Variants in NCAM2 observed in about 807,000 individuals in gnomAD.
The protein encoded by NCAM2 is neural cell adhesion molecule 2.
Under a neutral mutation model 98.1 loss-of-function variants are expected in NCAM2, and 30 were observed. That is an observed-to-expected ratio of 0.31 (90% CI 0.23 to 0.41). The LOEUF (loss-of-function observed/expected upper bound fraction) is 0.41, where lower values mean the gene tolerates loss of function less well. Among genes scored for constraint, NCAM2 ranks in the 10% least tolerant of loss-of-function variants. The pLI is 1.00. For synonymous variants in NCAM2, 368 were observed against 342.4 expected, an observed-to-expected ratio of 1.07 and a Z score of -0.83; for missense variants, 867 against 1,005.8, an observed-to-expected ratio of 0.86 and a Z score of 1.87.
In NCAM2 at chr21:21,150,649, T is replaced by G. The variant is rs963549994; in HGVS notation, c.56-129929T>G. On this transcript the variant is annotated intron_variant, in intron 1 of 17. Transcript: ENST00000400546. ...GATAACTTCCATTGTTTGATTTCCATTCTTGGGATAAATCCAGCTTCATCA... is the reference window on the plus strand; with the variant it reads ...GATAACTTCCATTGTTTGATTTCCAGTCTTGGGATAAATCCAGCTTCATCA... 4.9e-4 allele frequency among the ~76,000 whole-genome samples: 75 copies of G among 152,066 alleles called. 2 individuals carry two copies. Among genetic ancestry groups the G allele is most frequent in the Non-Finnish European group, 5.9e-5 (4 of 67,952 alleles).
chr21:21,128,291 T>G (rs1166050701), intron 1 of NCAM2, among the ~76,000 whole-genome samples: 1 of 151,966 alleles, frequency 6.6e-6, no homozygotes, highest in African/African-American at 2.4e-5. Context: ...TAAGATAAAG[T>G]CTCTCTTTAC....
intron 15 of NCAM2, among the ~76,000 whole-genome samples, chr21:21,492,637 T>C (rs927469765): frequency 5.3e-5 from 8 of 151,866 alleles, no homozygotes; most frequent in African/African-American, 1.9e-4. Context: ...AATATATTTT[T>C]ATTTACTGTC....
chr21:21,466,681 A>G lies in NCAM2; in HGVS notation c.1730A>G (p.Gln577Arg), dbSNP rs1255402872. ...GTTGCAGCTGTAAATGGAAAGGGAC[A>G]AGGAGACTACAGTAAAATAGAAATC... ...IRVAAVNGKG[Q>R]GDYSKIEIFQ... The change falls in exon 13 of 18, where the codon CAA becomes CGA. Residue 577 changes from glutamine to arginine, a missense_variant. By Grantham distance (43) the Gln-to-Arg change is conservative (BLOSUM62 1). Around this residue, in one of 5 missense-constraint regions of NCAM2, gnomAD observed 234 missense variants for 333.8 expected, o/e 0.70. Transcript: ENST00000400546. 1 of 1,610,144 alleles carries G rather than the reference A, an allele frequency of 6.2e-7. No individual in the cohort carries two copies. Among genetic ancestry groups the G allele is most frequent in the East Asian group, 2.2e-5 (1 of 44,662 alleles).
At chr21:21,010,334 T>G (rs2064186439) in intron 1 of NCAM2, among the ~76,000 whole-genome samples, 1 of 152,010 alleles carries the variant, frequency 6.6e-6, no homozygotes, top group Non-Finnish European at 1.5e-5. Context: ...CCTATGTGCT[T>G]TATAAAAACC....
chr21:21,377,412 A>G (rs182615126), intron 9 of NCAM2, among the ~76,000 whole-genome samples: 1 of 152,038 alleles, frequency 6.6e-6, no homozygotes, highest in East Asian at 1.9e-4. Flanking sequence ...GTAAGAATGT[A>G]TATACATAGA....
chr21:21,104,431 C>G (rs2066304508), intron 1 of NCAM2, among the ~76,000 whole-genome samples: 1 of 152,090 alleles, frequency 6.6e-6, no homozygotes, highest in Non-Finnish European at 1.5e-5. Flanking sequence ...GATGCTAACA[C>G]ATCGATAACT....
chr21:21,409,572 A>G (rs1265524381), intron 9 of NCAM2, among the ~76,000 whole-genome samples: 1 of 152,208 alleles, frequency 6.6e-6, no homozygotes, highest in East Asian at 1.9e-4. Flanking sequence ...GGAAAGAACC[A>G]TTTATTAGAT....
chr21:21,289,853 G>C (rs1216129575), intron 4 of NCAM2, among the ~76,000 whole-genome samples: 1 of 151,948 alleles, frequency 6.6e-6, no homozygotes, highest in Non-Finnish European at 1.5e-5. Context: ...TTGTATGTCA[G>C]TGAAAACAAC....
chr21:21,331,534 T>TATATATATATATATATAC lies in NCAM2; in HGVS notation c.738-3970_738-3969insTATATATATATATATACA, dbSNP rs1388107613. Among the ~76,000 whole-genome samples, 17 of 10,916 alleles carry TATATATATATATATATAC rather than the reference T, an allele frequency of 1.6e-3. 1 individual carries two copies. Among genetic ancestry groups the TATATATATATATATATAC allele is most frequent in the Non-Finnish European group, 4.0e-3 (14 of 3,498 alleles). The allele number at this position is 10,916 out of a possible 152,430, so 7.2% of individuals were successfully genotyped here. On this transcript the variant is annotated intron_variant, in intron 6 of 17. Coordinates refer to ENST00000400546, the MANE Select transcript of NCAM2 (RefSeq NM_004540.5). ...CTCTCTCTCTATATATATATATATATACTCTATATACATATATATATATAC... is the reference window on the plus strand; with the variant it reads ...CTCTCTCTCTATATATATATATATATATATATATATATATATACACTCTATATACATATATATATATAC...
At chr21:21,160,976 T>C (rs1239923089) in intron 1 of NCAM2, among the ~76,000 whole-genome samples, 2 of 152,088 alleles carry the variant, frequency 1.3e-5, no homozygotes, top group African/African-American at 4.8e-5. Context: ...AATATTTCAG[T>C]ATACGTAAGA....
chr21:21,164,666 G>T (rs1371813379), intron 1 of NCAM2, among the ~76,000 whole-genome samples: 2 of 152,100 alleles, frequency 1.3e-5, no homozygotes, highest in Non-Finnish European at 2.9e-5. Context: ...AACCTATTAT[G>T]AATTTTAGTT....
intron 1 of NCAM2, among the ~76,000 whole-genome samples, chr21:21,234,690 C>T (rs2070750879): frequency 6.6e-6 from 1 of 151,856 alleles, no homozygotes; most frequent in Admixed American, 6.6e-5. Context: ...CATTAATGAC[C>T]TCTTAACCCA....
chr21:21,493,461 T>C (rs1395149147), intron 15 of NCAM2, among the ~76,000 whole-genome samples: 1 of 151,930 alleles, frequency 6.6e-6, no homozygotes, highest in African/African-American at 2.4e-5. Flanking sequence ...ATATACCATC[T>C]ACCCCAGTCA....
intron 1 of NCAM2, among the ~76,000 whole-genome samples, chr21:21,204,710 A>G (rs554292920): frequency 3.3e-5 from 5 of 152,266 alleles, no homozygotes; most frequent in African/African-American, 1.2e-4. Flanking sequence ...CTGCTGATAC[A>G]TCTACTCTCT....
intron 14 of NCAM2, among the ~76,000 whole-genome samples, chr21:21,469,500 AAC>A (rs1984151354): frequency 3.3e-5 from 5 of 152,006 alleles, no homozygotes; most frequent in Non-Finnish European, 1.5e-5. Flanking sequence ...TTAAAAATGA[AAC>A]ACAATTTTAA....
At position 21,199,685 on chromosome 21, in the gene NCAM2, G is replaced by A. The variant is rs569843507; in HGVS notation, c.56-80893G>A. 3.0e-4 allele frequency among the ~76,000 whole-genome samples: 46 copies of A among 152,276 alleles called. No homozygotes were observed. The South Asian group carries it at 5.4e-3, about 18-fold the overall frequency. ...ATAATAAAGTAAGATTAATATCTAC[G>A]TAAGAAATACACATTACCACTGCAT... On this transcript the variant is annotated intron_variant, in intron 1 of 17. Coordinates refer to ENST00000400546, the MANE Select transcript of NCAM2 (RefSeq NM_004540.5).
At chr21:21,431,105 A>G (rs890348214) in intron 11 of NCAM2, among the ~76,000 whole-genome samples, 1 of 108,910 alleles carries the variant, frequency 9.2e-6, no homozygotes, top group Non-Finnish European at 2.0e-5. Flanking sequence ...ACACAGAGCC[A>G]AACCATATAA....
At chr21:21,234,296 A>T (rs1213401638) in intron 1 of NCAM2, among the ~76,000 whole-genome samples, 1 of 151,926 alleles carries the variant, frequency 6.6e-6, no homozygotes, top group Non-Finnish European at 1.5e-5. Context: ...TATAAAAAAA[A>T]AAGTAGTAAA....
At chr21:21,536,604 G>A (rs551676502) in intron 17 of NCAM2, among the ~76,000 whole-genome samples, 15 of 151,886 alleles carry the variant, frequency 9.9e-5, no homozygotes, top group Non-Finnish European at 1.5e-4. Flanking sequence ...TGGTCAGGCC[G>A]GTCTCCAACT....
Sources: allele counts gnomAD v4.1 joint callset (sites outside exome capture counted in the v4.1 genomes callset), GRCh38; gene constraint gnomAD v4.1.1; regional missense constraint gnomAD v4.1.1; transcripts MANE v1.5; gene names NCBI Gene and HGNC (gene_info 2026-07-23, HGNC 2026-07-21).